Variants in DSCAML1 observed in about 807,000 individuals in gnomAD.
The protein encoded by DSCAML1 is cell adhesion molecule DSCAML1.
Under a neutral mutation model 200.5 loss-of-function variants are expected in DSCAML1, and 38 were observed. That is an observed-to-expected ratio of 0.19 (90% CI 0.15 to 0.25). DSCAML1 has a LOEUF of 0.25. Among genes scored for constraint, DSCAML1 ranks in the 10% least tolerant of loss-of-function variants. The pLI, the probability that DSCAML1 is intolerant of heterozygous loss-of-function variation, is 1.00. For missense variants in DSCAML1, 2,223 were observed against 2,858.8 expected (o/e 0.78, Z 5.07); for synonymous variants, 1,215 against 1,165.0 (o/e 1.04, Z -0.87).
At chr11:117,529,337 C>T (rs1440114078) in intron 4 of DSCAML1, among the ~76,000 whole-genome samples, 2 of 152,162 alleles carry the variant, frequency 1.3e-5, no homozygotes, top group East Asian at 3.9e-4. Context: ...TTTGGCCTCC[C>T]AAAGTGCTAG....
At chr11:117,755,714 T>G (rs1743039374) in intron 3 of DSCAML1, among the ~76,000 whole-genome samples, 1 of 152,018 alleles carries the variant, frequency 6.6e-6, no homozygotes, top group Non-Finnish European at 1.5e-5. Flanking sequence ...TTTGATGGAG[T>G]CACAAAATCA....
chr11:117,585,216 A>G (rs2051117891), intron 3 of DSCAML1, among the ~76,000 whole-genome samples: 1 of 152,106 alleles, frequency 6.6e-6, no homozygotes, highest in Non-Finnish European at 1.5e-5. Context: ...GTGCACTTCA[A>G]ATCAAATGGA....
At chr11:117,683,390 C>T (rs1421223587) in intron 3 of DSCAML1, among the ~76,000 whole-genome samples, 2 of 152,206 alleles carry the variant, frequency 1.3e-5, no homozygotes, top group African/African-American at 4.8e-5. Context: ...AGACCTACTG[C>T]GTGTAAAGTG....
chr11:117,739,968 T>G (rs2054392464), intron 3 of DSCAML1, among the ~76,000 whole-genome samples: 1 of 152,214 alleles, frequency 6.6e-6, no homozygotes, highest in Admixed American at 6.5e-5. Context: ...CTTGGGCACA[T>G]GACCAACATT....
intron 3 of DSCAML1, among the ~76,000 whole-genome samples, chr11:117,737,329 G>T (rs970713535): frequency 7.9e-5 from 12 of 152,226 alleles, no homozygotes; most frequent in African/African-American, 2.9e-4. Context: ...CAAGGGCCAG[G>T]TTCCGCATCT....
chr11:117,785,055 C>T (rs190648988), intron 1 of DSCAML1, among the ~76,000 whole-genome samples: 3 of 152,310 alleles, frequency 2.0e-5, no homozygotes, highest in Admixed American at 2.0e-4. Flanking sequence ...CTTCCCCAGT[C>T]ATTTCTGATC....
intron 3 of DSCAML1, among the ~76,000 whole-genome samples, chr11:117,689,372 G>A (rs1298375449): frequency 6.6e-6 from 1 of 152,350 alleles, no homozygotes; most frequent in East Asian, 1.9e-4. Context: ...TTCAGGCCCT[G>A]CCCTGAGAAA....
At position 117,504,699 on chromosome 11, in the gene DSCAML1, G is replaced by A. The variant is rs997322375; in HGVS notation, c.2182+225C>T. ...AGAGGTCGCGTCTGGGGGGACAAGAGGAAATACGGAGTCAGCATGATGGCT... is the reference window on the plus strand; with the variant it reads ...AGAGGTCGCGTCTGGGGGGACAAGAAGAAATACGGAGTCAGCATGATGGCT... On this transcript the variant is annotated intron_variant, in intron 10 of 32. Coordinates refer to ENST00000651296, the MANE Select transcript of DSCAML1 (RefSeq NM_020693.4). The surrounding 1 kb of genome is among the most constrained non-coding windows in gnomAD (Gnocchi z 5.0). Among the ~76,000 whole-genome samples, 3 of 144,244 alleles carry A rather than the reference G, an allele frequency of 2.1e-5. No individual in the cohort carries two copies. The highest frequency in any genetic ancestry group is 7.4e-5 in the African/African-American group (3 of 40,280). The allele number at this position is 144,244 out of a possible 152,430, so 94.6% of individuals were successfully genotyped here.
chr11:117,478,185 G>A (rs2048835373), intron 14 of DSCAML1, among the ~76,000 whole-genome samples: 1 of 152,166 alleles, frequency 6.6e-6, no homozygotes, highest in Admixed American at 6.5e-5. Flanking sequence ...CCCAGGAGAG[G>A]CTCCCACGCA....
chr11:117,485,928 C>G (rs1391544514), intron 11 of DSCAML1, among the ~76,000 whole-genome samples: 1 of 152,190 alleles, frequency 6.6e-6, no homozygotes, highest in African/African-American at 2.4e-5. Context: ...ATAGGCTACA[C>G]CTACTGGTGT....
chr11:117,480,371 G>C lies in DSCAML1; in HGVS notation c.2785+72C>G, dbSNP rs899004837. On this transcript the variant is annotated intron_variant, in intron 14 of 32. Transcript: ENST00000651296. This position sits in a 1 kb window ranked among gnomAD's most constrained non-coding sequence, Gnocchi z 4.1. ...AAGGCTCAGGGGCTCTCCTCCCAGA[G>C]GGCACAGGCAGGACACGTGGCACAA... The C allele has an allele frequency of 1.3e-6, 2 of 1,591,576 alleles. No homozygotes were observed. The highest frequency in any genetic ancestry group is 1.7e-6 in the Non-Finnish European group (2 of 1,168,172).
intron 3 of DSCAML1, among the ~76,000 whole-genome samples, chr11:117,593,550 C>A (rs1231428207): frequency 6.6e-6 from 1 of 152,220 alleles, no homozygotes; most frequent in Non-Finnish European, 1.5e-5. Context: ...GGCCCAGAGG[C>A]CGGGACAGCA....
At chr11:117,471,170 T>C (rs1013732084) in intron 15 of DSCAML1, among the ~76,000 whole-genome samples, 1 of 151,870 alleles carries the variant, frequency 6.6e-6, no homozygotes, top group Non-Finnish European at 1.5e-5. Flanking sequence ...TGTGTATTTT[T>C]CTGCATTTTT....
At chr11:117,638,403 A>C (rs903764112) in intron 3 of DSCAML1, among the ~76,000 whole-genome samples, 3 of 151,440 alleles carry the variant, frequency 2.0e-5, no homozygotes, top group Non-Finnish European at 2.9e-5. Flanking sequence ...CACAGAGCAT[A>C]CAATTCACCC....
intron 3 of DSCAML1, among the ~76,000 whole-genome samples, chr11:117,577,443 TCCTTCCTTCCTTC>T (rs1323765299): frequency 2.1e-4 from 14 of 65,370 alleles, no homozygotes; most frequent in Non-Finnish European, 3.5e-4. Flanking sequence ...CTTCTTTCCT[TCCTTCCTTCCTTC>T]CTTTCCTTCC....
intron 4 of DSCAML1, among the ~76,000 whole-genome samples, chr11:117,528,432 G>T (rs1475965995): frequency 2.0e-5 from 3 of 152,222 alleles, no homozygotes; most frequent in African/African-American, 7.2e-5. Context: ...TGTACATGGC[G>T]ACAGCCCGGG....
intron 14 of DSCAML1, among the ~76,000 whole-genome samples, chr11:117,473,997 G>C (rs1374102123): frequency 6.6e-6 from 1 of 152,048 alleles, no homozygotes; most frequent in Non-Finnish European, 1.5e-5. Flanking sequence ...TTATAGGAGA[G>C]GGAGAGGGAG....
chr11:117,705,229 G>C (rs962774030), intron 3 of DSCAML1, among the ~76,000 whole-genome samples: 17 of 152,192 alleles, frequency 1.1e-4, no homozygotes, highest in Non-Finnish European at 2.5e-4. Context: ...AGAACCCTCT[G>C]ATGGTTACAG....
chr11:117,703,701 T>C (rs192133692), intron 3 of DSCAML1, among the ~76,000 whole-genome samples: 14 of 152,298 alleles, frequency 9.2e-5, no homozygotes, highest in Admixed American at 2.6e-4. Context: ...GCCGAGTGAA[T>C]GTGGAAGCAA....
Sources: gnomAD v4.1 joint callset for allele counts (sites outside exome capture counted in the v4.1 genomes callset) on GRCh38, gnomAD v4.1.1 for gene constraint, Gnocchi (gnomAD v3.1) non-coding constraint, MANE v1.5 for transcripts, NCBI Gene and HGNC (gene_info 2026-07-23, HGNC 2026-07-21) for gene names.